The following GRIP1 variants were observed in gnomAD, a reference collection of about 807,000 sequenced individuals.
GRIP1 encodes glutamate receptor-interacting protein 1.
Under a neutral mutation model 129.9 loss-of-function variants are expected in GRIP1, and 45 were observed. The ratio of observed to expected loss-of-function variants is 0.35; its 90% CI spans 0.27 to 0.44. The LOEUF is 0.44. Ranked by LOEUF, GRIP1 falls within the 20% of genes least tolerant of loss-of-function variation. The probability of loss-of-function intolerance (pLI) is 1.00; values close to 1 mark genes in which losing one functional copy is unlikely to be tolerated. For synonymous variants in GRIP1, 530 were observed against 520.8 expected (o/e 1.02, Z -0.24); for missense variants, 1,196 against 1,396.8 (o/e 0.86, Z 2.29).
At chr12:67,051,739 C>T (rs1241454029) in intron 1 of GRIP1, among the ~76,000 whole-genome samples, 1 of 152,226 alleles carries the variant, frequency 6.6e-6, no homozygotes, top group Non-Finnish European at 1.5e-5. Context: ...CGTCAGATCC[C>T]AGGTTAGGTT....
intron 1 of GRIP1, among the ~76,000 whole-genome samples, chr12:66,985,358 A>G (rs185241761): frequency 2.3e-4 from 35 of 152,300 alleles, no homozygotes; most frequent in Admixed American, 8.5e-4. Context: ...TGTCACAAGA[A>G]GGCAATTAAA....
In GRIP1 at chr12:66,774,107, G is replaced by C. The variant is rs575407308; in HGVS notation, c.-420+29946C>G. The stretch of plus-strand genomic sequence containing the variant: ...AATGAATTCAATGAGATATTGACCT[G>C]TAGTAGTAAAAGGACAAAACCAAAT... On this transcript the variant is annotated intron_variant, in intron 1 of 4. Coordinates refer to the GRIP1 transcript ENST00000538373. Among the ~76,000 whole-genome samples the C allele has an allele frequency of 4.1e-3, 623 of 152,264 alleles. 2 individuals carry two copies. The highest frequency in any genetic ancestry group is 0.014 in the African/African-American group (600 of 41,546).
chr12:66,970,101 A>C (rs1157661545), intron 1 of GRIP1, among the ~76,000 whole-genome samples: 1 of 152,112 alleles, frequency 6.6e-6, no homozygotes, highest in Admixed American at 6.5e-5. Context: ...TTGTTGAGAC[A>C]GGGTCTTACT....
intron 1 of GRIP1, among the ~76,000 whole-genome samples, chr12:66,612,842 A>G (rs1334529301): frequency 1.3e-5 from 2 of 152,226 alleles, no homozygotes; most frequent in South Asian, 2.1e-4. Flanking sequence ...GGAATTTGAT[A>G]AACATTAATC....
At chr12:66,658,193 A>C (rs1160067058) in intron 1 of GRIP1, among the ~76,000 whole-genome samples, 1 of 152,228 alleles carries the variant, frequency 6.6e-6, no homozygotes, top group East Asian at 1.9e-4. Context: ...GACAAAAGAA[A>C]TCAATAAGAA....
intron 14 of GRIP1, among the ~76,000 whole-genome samples, chr12:66,430,330 T>C (rs2058111300): frequency 6.6e-6 from 1 of 152,240 alleles, no homozygotes; most frequent in Non-Finnish European, 1.5e-5. Context: ...GCTGTAGCTC[T>C]AGAAGAACTG....
intron 1 of GRIP1, among the ~76,000 whole-genome samples, chr12:67,019,585 A>G (rs7978079): frequency 0.033 from 4,967 of 152,272 alleles, 273 homozygotes; most frequent in African/African-American, 0.11. Context: ...TCATCTACGG[A>G]AAATCTTCCC....
chr12:66,519,688 A>T (rs886684282), intron 5 of GRIP1, among the ~76,000 whole-genome samples: 2 of 152,210 alleles, frequency 1.3e-5, no homozygotes, highest in Non-Finnish European at 2.9e-5. Context: ...CCACTCAGAG[A>T]CCAGTGATAT....
chr12:66,529,735 A>G, intron 5 of GRIP1, 96 bp downstream of exon 5: 1 of 791,954 alleles, frequency 1.3e-6, no homozygotes, highest in Non-Finnish European at 2.2e-6. Context: ...ACCACTAAAT[A>G]ACTTATTCAT....
chr12:66,462,182 T>C (rs1355486257), intron 9 of GRIP1, among the ~76,000 whole-genome samples: 1 of 152,220 alleles, frequency 6.6e-6, no homozygotes, highest in African/African-American at 2.4e-5. Flanking sequence ...CCAGACAAGA[T>C]GTTTGCTCAG....
chr12:66,840,327 T>C (rs1221002265), intron 1 of GRIP1, among the ~76,000 whole-genome samples: 1 of 152,194 alleles, frequency 6.6e-6, no homozygotes, highest in Non-Finnish European at 1.5e-5. Context: ...GGAACAATAA[T>C]GAGCTATCAG....
intron 1 of GRIP1, among the ~76,000 whole-genome samples, chr12:66,608,933 A>AATTATT (rs150512388): frequency 0.1 from 14,538 of 145,454 alleles, 985 homozygotes; most frequent in Middle Eastern, 0.16. Context: ...ACATGAAACA[A>AATTATT]ATTATTATTA....
At chr12:66,818,385 G>C (rs1278801625) in intron 1 of GRIP1, among the ~76,000 whole-genome samples, 4 of 152,086 alleles carry the variant, frequency 2.6e-5, no homozygotes, top group Non-Finnish European at 5.9e-5. Flanking sequence ...TTTATTATTG[G>C]CAACAAATGT....
Position 66,362,175 on chromosome 12 carries a change from C to G in GRIP1, c.3013-8612G>C, listed in dbSNP as rs1592690121. ...TTTTTTTTTTTTTTTTTTAATGAGA[C>G]AGAGTTTCACTCTTGTTGCCCAAAC... On this transcript the variant is annotated intron_variant, in intron 23 of 24. Coordinates refer to ENST00000359742, the MANE Select transcript of GRIP1 (RefSeq NM_001366722.1). 4.3e-5 allele frequency among the ~76,000 whole-genome samples: 5 copies of G among 115,004 alleles called. No homozygotes were observed. The South Asian group carries it at 1.4e-3, about 33-fold the overall frequency. 75.4% of individuals were successfully genotyped at this position (115,004 alleles called of 152,430 possible). A position where few individuals can be genotyped will look rare whatever the true frequency, so the allele number is the denominator to read the frequency against.
At chr12:66,957,208 A>C (rs2134833) in intron 1 of GRIP1, among the ~76,000 whole-genome samples, 42,475 of 151,932 alleles carry the variant, frequency 0.28, 5,934 homozygotes, top group Middle Eastern at 0.35. Flanking sequence ...TATGGGGAGA[A>C]GATACATGAA....
intron 1 of GRIP1, among the ~76,000 whole-genome samples, chr12:66,656,068 T>C (rs1287378676): frequency 6.6e-6 from 1 of 152,198 alleles, no homozygotes; most frequent in Non-Finnish European, 1.5e-5. Context: ...ACTCTGAGTA[T>C]AAATTTTTTC....
chr12:66,916,134 T>C lies in GRIP1; in HGVS notation c.58+152916A>G, dbSNP rs548336960. ...TAAGTATGCCCACCTCTACCCTAAATATAAAATGATTGTATCAGAAAGCCT... is the reference window on the plus strand; with the variant it reads ...TAAGTATGCCCACCTCTACCCTAAACATAAAATGATTGTATCAGAAAGCCT... On this transcript the variant is annotated intron_variant, in intron 1 of 1. Transcript: ENST00000643019. Among the ~76,000 whole-genome samples, 7 of 152,302 alleles carry C rather than the reference T, an allele frequency of 4.6e-5. No individual in the cohort carries two copies. In the South Asian group the frequency reaches 1.2e-3, roughly 27 times the overall value.
At chr12:66,390,196 G>C (rs541545250) in intron 19 of GRIP1, among the ~76,000 whole-genome samples, 2 of 152,276 alleles carry the variant, frequency 1.3e-5, no homozygotes, top group African/African-American at 4.8e-5. Flanking sequence ...TGGCACCAAG[G>C]GCTGCACTGG....
At chr12:66,508,543 G>A (rs1400380606) in intron 7 of GRIP1, among the ~76,000 whole-genome samples, 1 of 152,114 alleles carries the variant, frequency 6.6e-6, no homozygotes, top group Admixed American at 6.5e-5. Flanking sequence ...AATAAGAACA[G>A]GATGAATGAG....
Sources: allele counts gnomAD v4.1 joint callset (sites outside exome capture counted in the v4.1 genomes callset), GRCh38; gene constraint gnomAD v4.1.1; transcripts MANE v1.5; gene names NCBI Gene and HGNC (gene_info 2026-07-23, HGNC 2026-07-21).